The following FAM83B variants were observed in gnomAD, a reference collection of about 807,000 sequenced individuals.
FAM83B encodes scaffolding CK1 anchoring protein B.
Under a neutral mutation model 38.8 loss-of-function variants are expected in FAM83B, and 26 were observed. The observed-to-expected ratio is 0.67, with a 90% CI of 0.49 to 0.93. FAM83B has a LOEUF of 0.93. Among genes scored for constraint, FAM83B ranks in the 40% least tolerant of loss-of-function variants. The pLI is 0.00. For missense variants in FAM83B, 1,237 were observed against 1,197.3 expected (o/e 1.03, Z -0.49); for synonymous variants, 419 against 423.1 (o/e 0.99, Z 0.12).
intron 2 of FAM83B, 100 bp downstream of exon 2, chr6:54,870,790 G>A: frequency 1.7e-6 from 2 of 1,170,210 alleles, no homozygotes; most frequent in South Asian, 3.3e-5. Context: ...ATCTCTATAT[G>A]TATAGGCCAT....
At chr6:54,886,210 T>C (rs1296931242) in intron 2 of FAM83B, among the ~76,000 whole-genome samples, 1 of 152,094 alleles carries the variant, frequency 6.6e-6, no homozygotes, top group Non-Finnish European at 1.5e-5. Context: ...GAATTTTGTG[T>C]TTATGTTCAG....
intron 2 of FAM83B, among the ~76,000 whole-genome samples, chr6:54,913,923 C>T (rs1054284013): frequency 6.6e-5 from 10 of 151,168 alleles, no homozygotes; most frequent in Non-Finnish European, 1.5e-4. Flanking sequence ...CTTTTGAAAA[C>T]ATACCCCATG....
intron 4 of FAM83B, among the ~76,000 whole-genome samples, chr6:54,928,454 C>A (rs1389965124): frequency 6.6e-6 from 1 of 152,142 alleles, no homozygotes; most frequent in Admixed American, 6.5e-5. Context: ...GGCCTCATAT[C>A]ATTGTTGTGA....
At chr6:54,869,377 C>G (rs985746860) in intron 1 of FAM83B, among the ~76,000 whole-genome samples, 11 of 152,126 alleles carry the variant, frequency 7.2e-5, no homozygotes, top group South Asian at 2.1e-4. Context: ...TTTGTTGAAT[C>G]ACAAAACTTT....
chr6:54,904,097 T>C (rs1772723845), intron 2 of FAM83B, among the ~76,000 whole-genome samples: 1 of 152,000 alleles, frequency 6.6e-6, no homozygotes, highest in Non-Finnish European at 1.5e-5. Flanking sequence ...CTAATCACAG[T>C]TTAAAGTCTG....
chr6:54,868,032 A>G (rs1771759435), intron 1 of FAM83B, among the ~76,000 whole-genome samples: 1 of 152,168 alleles, frequency 6.6e-6, no homozygotes, highest in Non-Finnish European at 1.5e-5. Context: ...AAACCTTAGG[A>G]AACTGTAAGC....
At chr6:54,914,097 A>C (rs1772981485) in intron 2 of FAM83B, among the ~76,000 whole-genome samples, 1 of 152,132 alleles carries the variant, frequency 6.6e-6, no homozygotes, top group Admixed American at 6.5e-5. Context: ...TATGTCTCTT[A>C]GTAATCTTTT....
chr6:54,870,788 A>G, intron 2 of FAM83B, 98 bp downstream of exon 2: 1 of 1,179,342 alleles, frequency 8.5e-7, no homozygotes, highest in Non-Finnish European at 1.2e-6. Flanking sequence ...GAATCTCTAT[A>G]TGTATAGGCC....
At position 54,937,629 on chromosome 6, in the gene FAM83B, C is replaced by A. The variant is rs189050352; in HGVS notation, c.735-2077C>A. Among the ~76,000 whole-genome samples the A allele has an allele frequency of 3.9e-5, 6 of 152,120 alleles. No homozygotes were observed. The East Asian group carries it at 5.8e-4, about 15-fold the overall frequency. Reference sequence around the variant, plus strand: ...AACACAGCTGTATCTTACATTATATCATGTTACAGCTATGAGACATTGTAG... The same window carrying A: ...AACACAGCTGTATCTTACATTATATAATGTTACAGCTATGAGACATTGTAG... On this transcript the variant is annotated intron_variant, in intron 4 of 4. Transcript: ENST00000306858.
chr6:54,925,932 G>T (rs1773277801), intron 2 of FAM83B, among the ~76,000 whole-genome samples: 1 of 151,876 alleles, frequency 6.6e-6, no homozygotes, highest in African/African-American at 2.4e-5. Flanking sequence ...TCTATTTCTA[G>T]AATATTTTTT....
chr6:54,893,736 G>C (rs917867261), intron 2 of FAM83B, among the ~76,000 whole-genome samples: 2 of 152,122 alleles, frequency 1.3e-5, no homozygotes, highest in African/African-American at 4.8e-5. Flanking sequence ...TATAGATAGA[G>C]AGGGGAAATG....
In FAM83B at chr6:54,914,984, T is replaced by C. The variant is rs73431480; in HGVS notation, c.445-11387T>C. Among the ~76,000 whole-genome samples the C allele has an allele frequency of 2.1e-3, 327 of 152,284 alleles. 2 individuals are homozygous for C. The highest frequency in any genetic ancestry group is 7.5e-3 in the African/African-American group (313 of 41,544). On this transcript the variant is annotated intron_variant, in intron 2 of 4. Coordinates refer to ENST00000306858, the MANE Select transcript of FAM83B (RefSeq NM_001010872.3). ...TAACTTAATTCTAAGGCAGACTTTT[T>C]CTCTTGTGCTTATACCATATCATTG...
Position 54,940,132 on chromosome 6 carries a change from T to C in FAM83B, c.1161T>C (p.His387=), listed in dbSNP as rs996582264. ...PNQINENWKR[H]SYAGEQPETV... is the part of the protein sequence containing the mutation. ...AGATAAATGAAAATTGGAAAAGGCA[T>C]AGTTATGCTGGGGAACAGCCAGAAA... Residue 387 remains histidine (H), a synonymous_variant, in exon 5 of 5, where the codon CAT becomes CAC. Coordinates refer to ENST00000306858, the MANE Select transcript of FAM83B (RefSeq NM_001010872.3). The C allele has an allele frequency of 1.1e-5, 17 of 1,613,934 alleles. No individual in the cohort carries two copies. Among genetic ancestry groups the C allele is most frequent in the Non-Finnish European group, 1.4e-5 (16 of 1,180,014 alleles).
intron 2 of FAM83B, among the ~76,000 whole-genome samples, chr6:54,871,934 T>C (rs1410390407): frequency 1.3e-5 from 2 of 152,034 alleles, no homozygotes; most frequent in Non-Finnish European, 1.5e-5. Context: ...AAGAGTATGC[T>C]TTTATGAAGT....
At chr6:54,870,069 A>T in intron 1 of FAM83B, 118 bp from the exon 2 acceptor site, 1 of 568,298 alleles carries the variant, frequency 1.8e-6, no homozygotes, top group South Asian at 2.4e-5. Context: ...AATATGTGTC[A>T]TTTTGAGCTT....
chr6:54,913,595 A>G (rs1367758843), intron 2 of FAM83B, among the ~76,000 whole-genome samples: 2 of 152,088 alleles, frequency 1.3e-5, no homozygotes, highest in East Asian at 3.9e-4. Flanking sequence ...ATGAGAACAA[A>G]AATAAAAAGA....
intron 2 of FAM83B, among the ~76,000 whole-genome samples, chr6:54,907,397 G>A (rs927566555): frequency 1.1e-5 from 1 of 93,974 alleles, no homozygotes; most frequent in Non-Finnish European, 1.9e-5. Flanking sequence ...AATAAAAAAA[G>A]TTAAAAAAAA....
chr6:54,907,915 C>T (rs576476629), intron 2 of FAM83B, among the ~76,000 whole-genome samples: 8 of 151,876 alleles, frequency 5.3e-5, no homozygotes, highest in Non-Finnish European at 1.2e-4. Flanking sequence ...TGATTTTTAT[C>T]AAAGGAATGA....
At chr6:54,856,619 C>G (rs1771452624) in intron 1 of FAM83B, among the ~76,000 whole-genome samples, 1 of 152,104 alleles carries the variant, frequency 6.6e-6, no homozygotes. Flanking sequence ...TCCCTGTGTG[C>G]AAGTGCTCTA....
Sources: allele counts gnomAD v4.1 joint callset (sites outside exome capture counted in the v4.1 genomes callset), GRCh38; gene constraint gnomAD v4.1.1; transcripts MANE v1.5; gene names NCBI Gene and HGNC (gene_info 2026-07-23, HGNC 2026-07-21).